Variants in BAIAP2 observed in about 807,000 individuals in gnomAD.
BAIAP2 encodes the protein BAR/IMD domain-containing adapter protein 2.
A neutral mutation model predicts 63.0 loss-of-function variants in BAIAP2; 18 were observed. The observed-to-expected ratio is 0.29, with a 90% CI of 0.20 to 0.42. The LOEUF (loss-of-function observed/expected upper bound fraction) is 0.42. Ranked by LOEUF, BAIAP2 falls within the 10% of genes least tolerant of loss-of-function variation. The pLI is 1.00. For synonymous variants in BAIAP2, 386 were observed against 307.6 expected (o/e 1.25, Z -2.67); for missense variants, 610 against 734.3 (o/e 0.83, Z 1.96).
At chr17:81,049,287 C>A (rs2048306695) in intron 1 of BAIAP2, among the ~76,000 whole-genome samples, 1 of 152,170 alleles carries the variant, frequency 6.6e-6, no homozygotes, top group Non-Finnish European at 1.5e-5. Flanking sequence ...CTGTGGCCCC[C>A]CAGGAGTCTC....
intron 3 of BAIAP2, among the ~76,000 whole-genome samples, chr17:81,071,049 G>A (rs769232941): frequency 2.5e-4 from 38 of 152,162 alleles, no homozygotes; most frequent in Middle Eastern, 3.2e-3. Flanking sequence ...AGAACTGTGT[G>A]TGGGGAAGCA....
intron 7 of BAIAP2, among the ~76,000 whole-genome samples, chr17:81,101,779 C>G (rs1032220370): frequency 1.3e-5 from 2 of 152,242 alleles, no homozygotes; most frequent in Non-Finnish European, 2.9e-5. Flanking sequence ...CAGGTGCAGG[C>G]AAGGACAGCA....
At chr17:81,085,526 GA>G in intron 4 of BAIAP2, 127 bp from the exon 5 acceptor site, 3 of 765,508 alleles carry the variant, frequency 3.9e-6, no homozygotes, top group Non-Finnish European at 6.9e-6. Context: ...CAGTCAGGGG[GA>G]GGGGGCCCCT....
At chr17:81,066,388 G>T (rs542826292) in intron 3 of BAIAP2, among the ~76,000 whole-genome samples, 3 of 152,348 alleles carry the variant, frequency 2.0e-5, no homozygotes, top group African/African-American at 7.2e-5. Context: ...TGGTCACTGA[G>T]TCACTGAATT....
chr17:81,088,582 C>T (rs1165956819), intron 6 of BAIAP2, among the ~76,000 whole-genome samples: 2 of 152,244 alleles, frequency 1.3e-5, no homozygotes, highest in Non-Finnish European at 1.5e-5. Context: ...TATGGACATT[C>T]TGCGTAGCTG....
chr17:81,055,507 G>A (rs563919440), intron 2 of BAIAP2, among the ~76,000 whole-genome samples: 17 of 151,616 alleles, frequency 1.1e-4, no homozygotes, highest in Admixed American at 9.2e-4. Context: ...TTGCACCCGA[G>A]GGACCTGCTC....
chr17:81,113,750 A>G (rs1399932553), intron 13 of BAIAP2, among the ~76,000 whole-genome samples: 1 of 152,146 alleles, frequency 6.6e-6, no homozygotes, highest in African/African-American at 2.4e-5. Context: ...AGACAAGAAG[A>G]GAAAAATGCA....
intron 7 of BAIAP2, among the ~76,000 whole-genome samples, chr17:81,101,523 C>T (rs2058478031): frequency 6.6e-6 from 1 of 152,192 alleles, no homozygotes; most frequent in African/African-American, 2.4e-5. Context: ...CCAAGCCCAC[C>T]AGGGAGGCCC....
intron 1 of BAIAP2, among the ~76,000 whole-genome samples, chr17:81,048,159 C>G (rs936447505): frequency 7.2e-5 from 11 of 152,032 alleles, no homozygotes; most frequent in Non-Finnish European, 4.4e-5. Context: ...CTGAGGCGGG[C>G]GGATCGCTTG....
At chr17:81,088,699 C>T (rs558206622) in intron 6 of BAIAP2, among the ~76,000 whole-genome samples, 6 of 152,342 alleles carry the variant, frequency 3.9e-5, no homozygotes, top group African/African-American at 9.6e-5. Flanking sequence ...CTCTTACTGT[C>T]GGGGGTCAGC....
At position 81,116,199 on chromosome 17, in the gene BAIAP2, C is replaced by T. The variant is rs370752483; in HGVS notation, c.*360C>T. ...GAGCCTGGCTGCCCTGCTGCTTCTC[C>T]TGCCTAATAAACAGGCTTCTCCTGC... is the stretch of plus-strand genomic sequence containing the variant. On this transcript the variant is annotated 3_prime_UTR_variant, in exon 14 of 14. Transcript: ENST00000428708. 8.7e-6 allele frequency: 14 copies of T among 1,607,790 alleles called. No homozygotes were observed. The highest frequency in any genetic ancestry group is 1.2e-5 in the Non-Finnish European group (14 of 1,176,426).
At chr17:81,043,594 C>T (rs2047383086) in intron 1 of BAIAP2, among the ~76,000 whole-genome samples, 2 of 152,336 alleles carry the variant, frequency 1.3e-5, no homozygotes, top group South Asian at 4.1e-4. Flanking sequence ...GGCCCTGTCA[C>T]TGCTCACACT....
intron 13 of BAIAP2, among the ~76,000 whole-genome samples, chr17:81,114,072 C>CT (rs1291790090): frequency 6.6e-6 from 1 of 150,998 alleles, no homozygotes; most frequent in African/African-American, 2.4e-5. Flanking sequence ...TCAAGCGATC[C>CT]TCCCACTTCA....
At chr17:81,075,934 G>GA (rs937592593) in intron 3 of BAIAP2, among the ~76,000 whole-genome samples, 1 of 136,942 alleles carries the variant, frequency 7.3e-6, no homozygotes, top group Non-Finnish European at 1.6e-5. Context: ...GGTCTGCTGG[G>GA]AATTTTTTTT....
At chr17:81,079,937 G>A (rs1048674982) in intron 3 of BAIAP2, among the ~76,000 whole-genome samples, 2 of 152,150 alleles carry the variant, frequency 1.3e-5, no homozygotes, top group African/African-American at 4.8e-5. Context: ...GGGAGGGAGT[G>A]TGGAGAGATG....
chr17:81,116,140 G>C lies in BAIAP2; in HGVS notation c.*301G>C. The C allele has an allele frequency of 6.3e-7, 1 of 1,594,798 alleles. No homozygotes were observed. The highest frequency in any genetic ancestry group is 8.5e-7 in the Non-Finnish European group (1 of 1,171,372). On this transcript the variant is annotated 3_prime_UTR_variant, in exon 14 of 14. Transcript: ENST00000428708. ...GGAGCCTTGGGTACCCCTGAGTTAAGGGAGGACATTTGGCCAGCTGGTGGC... is the reference window on the plus strand; with the variant it reads ...GGAGCCTTGGGTACCCCTGAGTTAACGGAGGACATTTGGCCAGCTGGTGGC...
At chr17:81,071,523 G>A (rs375941775) in intron 3 of BAIAP2, among the ~76,000 whole-genome samples, 24 of 152,322 alleles carry the variant, frequency 1.6e-4, no homozygotes, top group East Asian at 3.9e-4. Context: ...CTGACCTCTC[G>A]CACAGAGCCC....
intron 6 of BAIAP2, among the ~76,000 whole-genome samples, chr17:81,097,041 G>C (rs969888973): frequency 1.3e-5 from 2 of 152,212 alleles, no homozygotes; most frequent in Admixed American, 6.5e-5. Context: ...ATGGAGCAGA[G>C]CTTGCTGGAA....
chr17:81,094,890 A>C (rs1032313871), intron 6 of BAIAP2, among the ~76,000 whole-genome samples: 1 of 152,242 alleles, frequency 6.6e-6, no homozygotes, highest in South Asian at 2.1e-4. Context: ...CATATGCTGC[A>C]GGGGACCTGG....
Sources: allele counts gnomAD v4.1 joint callset (sites outside exome capture counted in the v4.1 genomes callset), GRCh38; gene constraint gnomAD v4.1.1; transcripts MANE v1.5; gene names NCBI Gene and HGNC (gene_info 2026-07-23, HGNC 2026-07-21).